PDXDC1: variants seen among roughly 807,000 people sequenced by gnomAD.
PDXDC1 encodes the protein pyridoxal-dependent decarboxylase domain-containing protein 1.
In PDXDC1, 42 loss-of-function variants were observed where a neutral mutation model predicts 100.1. The observed-to-expected ratio is 0.42, with a 90% CI of 0.33 to 0.54. The LOEUF (loss-of-function observed/expected upper bound fraction) is 0.54. PDXDC1 is among the 20% of genes least tolerant of loss of function. The probability of loss-of-function intolerance (pLI) is 0.10; values close to 1 mark genes in which losing one functional copy is unlikely to be tolerated. For missense variants in PDXDC1, 636 were observed against 979.2 expected, an observed-to-expected ratio of 0.65 and a Z score of 4.68; for synonymous variants, 260 against 371.7, an observed-to-expected ratio of 0.70 and a Z score of 3.46.
intron 16 of PDXDC1, chr16:15,137,657 C>A (rs1456435365): frequency 1.4e-5 from 18 of 1,284,494 alleles, no homozygotes; most frequent in South Asian, 3.8e-5. Context: ...CGGAGCCCCC[C>A]CCCAGAGAGG....
At chr16:15,144,496 G>A in the PDXDC1 span, among the ~76,000 whole-genome samples, 1 of 152,070 alleles carries the variant, frequency 6.6e-6, no homozygotes, top group East Asian at 1.9e-4. Context: ...ACGAGGGGTG[G>A]GGGTTGCAGC....
intron 16 of PDXDC1, among the ~76,000 whole-genome samples, chr16:15,050,542 G>T (rs1478289654): frequency 1.3e-5 from 2 of 152,108 alleles, no homozygotes; most frequent in Non-Finnish European, 2.9e-5. Context: ...AAACCAGCCT[G>T]GGCAACAAGG....
At chr16:15,109,855 T>TAA (rs1177596848) in intron 16 of PDXDC1, among the ~76,000 whole-genome samples, 3 of 107,586 alleles carry the variant, frequency 2.8e-5, no homozygotes, top group Non-Finnish European at 4.0e-5. Context: ...TCTCAAAATT[T>TAA]AAAAAAAAAA....
intron 16 of PDXDC1, among the ~76,000 whole-genome samples, chr16:15,110,160 AAGAG>A (rs914473387): frequency 1.2e-4 from 18 of 149,950 alleles, no homozygotes; most frequent in African/African-American, 2.4e-4. Flanking sequence ...AAAAAAAAAA[AAGAG>A]AGAGAGAGAC....
chr16:15,020,219 T>TA (rs1329840002), intron 12 of PDXDC1, among the ~76,000 whole-genome samples: 1 of 152,196 alleles, frequency 6.6e-6, no homozygotes, highest in East Asian at 1.9e-4. Flanking sequence ...TCCATTTTCT[T>TA]ACCTGTGAAA....
At chr16:15,127,132 T>C (rs893299372) in intron 16 of PDXDC1, 24 of 365,146 alleles carry the variant, frequency 6.6e-5, no homozygotes, top group African/African-American at 4.9e-4. Flanking sequence ...CCTCTTCACT[T>C]GCTATAGACG....
intron 16 of PDXDC1, chr16:15,072,868 C>T (rs2045295607): frequency 7.2e-7 from 1 of 1,380,688 alleles, no homozygotes; most frequent in African/African-American, 1.5e-5. Flanking sequence ...ACTTCATGGT[C>T]TCCGTCCACC....
chr16:15,114,924 A>C (rs2047189302), intron 16 of PDXDC1, among the ~76,000 whole-genome samples: 1 of 106,398 alleles, frequency 9.4e-6, no homozygotes, highest in East Asian at 2.7e-4. Flanking sequence ...AAAAAAAAAA[A>C]AAATTTTTTT....
At chr16:15,062,558 A>AT (rs1400984820) in intron 16 of PDXDC1, among the ~76,000 whole-genome samples, 1 of 152,164 alleles carries the variant, frequency 6.6e-6, no homozygotes, top group African/African-American at 2.4e-5. Flanking sequence ...GCTCCACCTC[A>AT]TGTGACCTGG....
intron 13 of PDXDC1, chr16:15,026,426 T>C (rs2042606838): frequency 3.5e-6 from 2 of 567,726 alleles, no homozygotes; most frequent in East Asian, 3.0e-5. Flanking sequence ...AAACATCTTA[T>C]AATTCACAGT....
chr16:15,133,275 C>G (rs893203787), intron 16 of PDXDC1: 1 of 1,581,040 alleles, frequency 6.3e-7, no homozygotes, highest in East Asian at 2.2e-5. Flanking sequence ...TCGTTCAGGA[C>G]GGTGACCAGG....
rs974950361 is a variant in PDXDC1, at chr16:15,127,200, C to G, written c.1400-11679C>G. On this transcript the variant is annotated intron_variant, in intron 16 of 16. Coordinates refer to the PDXDC1 transcript ENST00000535621. The stretch of plus-strand genomic sequence containing the variant: ...AGCGTGCACAGCCGCGTGCTTGCTT[C>G]TTCTGAGTTATCTGGCGTGCTGCTG... The G allele has an allele frequency of 1.5e-5, 6 of 413,566 alleles. No individual in the cohort carries two copies. The Admixed American group carries it at 1.7e-4, about 12-fold the overall frequency. 25.6% of individuals were successfully genotyped at this position (413,566 alleles called of 1,614,324 possible).
At chr16:14,982,516 A>G (rs1327782846) in intron 1 of PDXDC1, among the ~76,000 whole-genome samples, 2 of 152,280 alleles carry the variant, frequency 1.3e-5, no homozygotes, top group African/African-American at 4.8e-5. Flanking sequence ...CCAGCTACTC[A>G]GGAGATTGTG....
chr16:15,093,936 C>T (rs868750480), intron 16 of PDXDC1: 8 of 586,300 alleles, frequency 1.4e-5, no homozygotes, highest in Admixed American at 3.3e-5. Flanking sequence ...GCCTCCAGAA[C>T]AGAGAACATA....
intron 1 of PDXDC1, among the ~76,000 whole-genome samples, chr16:14,996,110 C>CT (rs1971902944): frequency 6.6e-6 from 1 of 152,286 alleles, no homozygotes; most frequent in African/African-American, 2.4e-5. Flanking sequence ...TTACCTAACC[C>CT]TTCCTTCTCA....
At chr16:15,148,063 ACTGCAGTCTCAAC>A in the PDXDC1 span, among the ~76,000 whole-genome samples, 1 of 151,390 alleles carries the variant, frequency 6.6e-6, no homozygotes, top group Non-Finnish European at 1.5e-5. Context: ...ATCACAGCTA[ACTGCAGTCTCAAC>A]CTCATAGACT....
At chr16:15,094,444 G>T in intron 16 of PDXDC1, 1 of 603,484 alleles carries the variant, frequency 1.7e-6, no homozygotes, top group Non-Finnish European at 2.9e-6. Flanking sequence ...GCGCTAGTGC[G>T]TGAGTATAAG....
At chr16:15,142,724 C>G (rs1405874387), downstream of PDXDC1, among the ~76,000 whole-genome samples, 2 of 152,244 alleles carry the variant, frequency 1.3e-5, no homozygotes, top group Non-Finnish European at 2.9e-5. Flanking sequence ...CCTAGCCAGG[C>G]AGCCTCGCGC....
chr16:15,127,014 C>A (rs2047772755), intron 16 of PDXDC1: 1 of 342,232 alleles, frequency 2.9e-6, no homozygotes, highest in Non-Finnish European at 5.7e-6. Context: ...TGGTCTCAAA[C>A]TCCTGGACTC....
Sources: gnomAD v4.1 joint callset for allele counts (sites outside exome capture counted in the v4.1 genomes callset) on GRCh38, gnomAD v4.1.1 for gene constraint, MANE v1.5 for transcripts, NCBI Gene and HGNC (gene_info 2026-07-23, HGNC 2026-07-21) for gene names.